PLPP4: variants seen among roughly 807,000 people sequenced by gnomAD.
The protein encoded by PLPP4 is diacylglycerol pyrophosphate like 2.
In PLPP4, 20 loss-of-function variants were observed where a neutral mutation model predicts 32.2. That is an observed-to-expected ratio of 0.62 (90% CI 0.44 to 0.90). The LOEUF is 0.90. Ranked by LOEUF, PLPP4 falls within the 40% of genes least tolerant of loss-of-function variation. PLPP4 has a pLI of 0.00. For missense variants in PLPP4, 257 were observed against 353.1 expected, an observed-to-expected ratio of 0.73 and a Z score of 2.18; for synonymous variants, 127 against 133.0, an observed-to-expected ratio of 0.95 and a Z score of 0.31.
chr10:120,575,366 G>C, intron 6 of PLPP4, 65 bp downstream of exon 6: 1 of 1,519,884 alleles, frequency 6.6e-7, no homozygotes, highest in Non-Finnish European at 9.0e-7. Context: ...AGGGATGGGT[G>C]TAGAAATGCA....
Position 120,554,333 on chromosome 10 carries a change from G to A in PLPP4, c.446-20798G>A, listed in dbSNP as rs141231227. Among the ~76,000 whole-genome samples, 1,315 of 152,194 alleles carry A rather than the reference G, an allele frequency of 8.6e-3. 25 individuals are homozygous for A. Among genetic ancestry groups the A allele is most frequent in the African/African-American group, 0.03 (1,260 of 41,496 alleles). On this transcript the variant is annotated intron_variant, in intron 5 of 6. Coordinates refer to ENST00000398250, the MANE Select transcript of PLPP4 (RefSeq NM_001030059.3). ...AATTTTCAAAAAGTTCCTCATCTCC[G>A]TCTGAGACCACCTCAGCCTGGACTT...
intron 5 of PLPP4, among the ~76,000 whole-genome samples, chr10:120,540,734 T>G (rs1028163810): frequency 3.9e-5 from 6 of 152,216 alleles, no homozygotes; most frequent in African/African-American, 1.4e-4. Context: ...TACAATCCTG[T>G]TATGCACTAG....
chr10:120,513,098 A>G (rs1288275569), intron 2 of PLPP4, among the ~76,000 whole-genome samples: 1 of 152,206 alleles, frequency 6.6e-6, no homozygotes, highest in Admixed American at 6.5e-5. Context: ...GGAAGGTTTA[A>G]AAACAATTTA....
intron 5 of PLPP4, among the ~76,000 whole-genome samples, chr10:120,528,098 G>A (rs1468746906): frequency 2.4e-5 from 3 of 123,544 alleles, no homozygotes; most frequent in African/African-American, 9.1e-5. Flanking sequence ...TTTTTGAGGC[G>A]GAGTCTCACT....
intron 5 of PLPP4, among the ~76,000 whole-genome samples, chr10:120,543,988 G>A (rs7910507): frequency 0.11 from 16,011 of 152,140 alleles, 1,051 homozygotes; most frequent in South Asian, 0.22. Context: ...TTATGTGTAC[G>A]TGACATTTTG....
intron 5 of PLPP4, among the ~76,000 whole-genome samples, chr10:120,539,998 G>GT (rs1847259522): frequency 2.8e-5 from 2 of 70,332 alleles, no homozygotes; most frequent in African/African-American, 4.6e-5. Context: ...TAGTAAACTT[G>GT]TAAAAAAAAA....
At chr10:120,539,686 G>C (rs188142634) in intron 5 of PLPP4, among the ~76,000 whole-genome samples, 1 of 152,034 alleles carries the variant, frequency 6.6e-6, no homozygotes, top group Non-Finnish European at 1.5e-5. Flanking sequence ...AAAGTTATTT[G>C]AGAGCCTCTT....
intron 5 of PLPP4, among the ~76,000 whole-genome samples, chr10:120,573,613 A>C (rs887881929): frequency 1.3e-5 from 2 of 152,214 alleles, no homozygotes; most frequent in Non-Finnish European, 2.9e-5. Flanking sequence ...ATTCTTCTGT[A>C]CTGATCATTT....
chr10:120,580,994 A>G, intron 6 of PLPP4: 1 of 1,287,072 alleles, frequency 7.8e-7, no homozygotes, highest in Middle Eastern at 2.1e-4. Context: ...CTGCCCATCT[A>G]AGTCCACCCG....
chr10:120,573,479 G>A (rs11592655), intron 5 of PLPP4, among the ~76,000 whole-genome samples: 92,108 of 151,942 alleles, frequency 0.61, 27,964 homozygotes, highest in Admixed American at 0.66. Flanking sequence ...TGAACTTACA[G>A]TTTAGGGTCC....
chr10:120,471,907 A>T lies in PLPP4; in HGVS notation c.56+14546A>T, dbSNP rs537688216. On this transcript the variant is annotated intron_variant, in intron 1 of 6. Transcript: ENST00000398250. Reference sequence around the variant, plus strand: ...GCTATATCTCTTTAAAAATTTTAGTAGTTTATTTCACAATTATAATATGCA... The same window carrying T: ...GCTATATCTCTTTAAAAATTTTAGTTGTTTATTTCACAATTATAATATGCA... Among the ~76,000 whole-genome samples the T allele has an allele frequency of 2.6e-5, 4 of 152,096 alleles. No individual in the cohort carries two copies. The South Asian group carries it at 8.3e-4, about 32-fold the overall frequency.
In PLPP4 at chr10:120,463,306, G is replaced by A. The variant is rs137974721; in HGVS notation, c.56+5945G>A. 3.5e-3 allele frequency among the ~76,000 whole-genome samples: 538 copies of A among 152,240 alleles called. 4 individuals carry two copies. The highest frequency in any genetic ancestry group is 0.012 in the African/African-American group (503 of 41,552). ...CTCCCAAAGTGCTGGGATTACAGGCGTGAGCCACCGTGCCCGGCCTAGAAA... is the reference window on the plus strand; with the variant it reads ...CTCCCAAAGTGCTGGGATTACAGGCATGAGCCACCGTGCCCGGCCTAGAAA... On this transcript the variant is annotated intron_variant, in intron 1 of 6. Coordinates refer to ENST00000398250, the MANE Select transcript of PLPP4 (RefSeq NM_001030059.3).
chr10:120,462,160 C>T (rs1445096139), intron 1 of PLPP4, among the ~76,000 whole-genome samples: 1 of 151,216 alleles, frequency 6.6e-6, no homozygotes, highest in Non-Finnish European at 1.5e-5. Flanking sequence ...AGGGCAAAGG[C>T]CTGGAGGTGT....
intron 5 of PLPP4, among the ~76,000 whole-genome samples, chr10:120,540,489 A>T (rs926878016): frequency 3.9e-5 from 6 of 152,238 alleles, no homozygotes; most frequent in Non-Finnish European, 8.8e-5. Context: ...CCACCCTAGC[A>T]GAGCTTACAG....
At chr10:120,493,128 T>C (rs1564793277) in intron 1 of PLPP4, among the ~76,000 whole-genome samples, 2 of 152,246 alleles carry the variant, frequency 1.3e-5, no homozygotes, top group Non-Finnish European at 2.9e-5. Flanking sequence ...TCAGTGTTTC[T>C]TTTTAATAGC....
At chr10:120,582,801 CCCTTCCTT>C (rs934017394) in intron 6 of PLPP4, among the ~76,000 whole-genome samples, 1 of 128,644 alleles carries the variant, frequency 7.8e-6, no homozygotes, top group African/African-American at 3.1e-5. Context: ...CTCCCTCCCT[CCCTTCCTT>C]CCTTCCTTCC....
In PLPP4 at chr10:120,590,306, A is replaced by G. The variant is rs1004438234; in HGVS notation, c.*804A>G. On this transcript the variant is annotated 3_prime_UTR_variant, in exon 7 of 7. Transcript: ENST00000398250. ...TTACTTGGCTCTTCTGCAAGAAGTG[A>G]TGTGACCGATCTCACAGATCAGAAA... 6.6e-6 allele frequency among the ~76,000 whole-genome samples: 1 copy of G among 152,166 alleles called. No homozygotes were observed. Among genetic ancestry groups the G allele is most frequent in the African/African-American group, 2.4e-5 (1 of 41,426 alleles).
At chr10:120,549,752 A>G (rs946326916) in intron 5 of PLPP4, among the ~76,000 whole-genome samples, 1 of 133,896 alleles carries the variant, frequency 7.5e-6, no homozygotes, top group Non-Finnish European at 1.7e-5. Flanking sequence ...GAAAAATCAT[A>G]TAATCATCTC....
At chr10:120,547,136 A>G (rs1199270301) in intron 5 of PLPP4, among the ~76,000 whole-genome samples, 1 of 152,110 alleles carries the variant, frequency 6.6e-6, no homozygotes, top group Non-Finnish European at 1.5e-5. Flanking sequence ...GATAATGGAA[A>G]TGAAAGTTAT....
Sources: allele counts gnomAD v4.1 joint callset (sites outside exome capture counted in the v4.1 genomes callset), GRCh38; gene constraint gnomAD v4.1.1; transcripts MANE v1.5; gene names NCBI Gene and HGNC (gene_info 2026-07-23, HGNC 2026-07-21).